Variants in ARB2A observed in about 807,000 individuals in gnomAD.
The protein encoded by ARB2A is ARB2 cotranscriptional regulator A, also known as cotranscriptional regulator ARB2A.
chr5:94,065,528 GAGAA>G, the ARB2A span, among the ~76,000 whole-genome samples: 9 of 152,084 alleles, frequency 5.9e-5, no homozygotes, highest in African/African-American at 2.2e-4. Flanking sequence ...AAAAGAAAAA[GAGAA>G]AGACATTCCA....
chr5:93,662,555 A>G, the ARB2A span, among the ~76,000 whole-genome samples: 4 of 152,236 alleles, frequency 2.6e-5, no homozygotes, highest in Non-Finnish European at 5.9e-5. Flanking sequence ...ACACATATAC[A>G]TAAAATATAT....
the ARB2A span, chr5:93,740,343 C>A: frequency 1.9e-6 from 1 of 514,840 alleles, no homozygotes; most frequent in Middle Eastern, 5.1e-4. Context: ...TACCTTTAAA[C>A]CAATGCTAGG....
chr5:93,846,418 C>T, the ARB2A span, among the ~76,000 whole-genome samples: 1 of 151,846 alleles, frequency 6.6e-6, no homozygotes, highest in Non-Finnish European at 1.5e-5. Context: ...GGGAGAATTG[C>T]TTGAGCCCAG....
the ARB2A span, among the ~76,000 whole-genome samples, chr5:93,693,569 A>G: frequency 1.3e-4 from 6 of 47,026 alleles, no homozygotes; most frequent in Non-Finnish European, 2.5e-4. Flanking sequence ...TTAATAGCCT[A>G]CCAACCAAAA....
At chr5:93,949,309 T>C in the ARB2A span, among the ~76,000 whole-genome samples, 4 of 151,990 alleles carry the variant, frequency 2.6e-5, 1 homozygote, top group South Asian at 6.2e-4. Flanking sequence ...ATGCCTGTAA[T>C]CCCAGCACTT....
At chr5:94,039,801 T>C in the ARB2A span, among the ~76,000 whole-genome samples, 1 of 152,226 alleles carries the variant, frequency 6.6e-6, no homozygotes, top group East Asian at 1.9e-4. Flanking sequence ...AAAGGCTAAC[T>C]TTGGGTAAGT....
the ARB2A span, chr5:93,683,359 CT>C: frequency 1.9e-6 from 3 of 1,603,298 alleles, no homozygotes; most frequent in African/African-American, 2.7e-5. Flanking sequence ...CTGCATCTTC[CT>C]CCACAGCTAC....
the ARB2A span, among the ~76,000 whole-genome samples, chr5:94,059,349 G>C: frequency 5.3e-5 from 8 of 151,954 alleles, no homozygotes; most frequent in Non-Finnish European, 8.8e-5. Flanking sequence ...AGGGCCAGGC[G>C]TGGTTGCTCA....
the ARB2A span, among the ~76,000 whole-genome samples, chr5:93,756,829 C>CA: frequency 1.3e-5 from 2 of 151,974 alleles, no homozygotes; most frequent in South Asian, 2.1e-4. Context: ...AACACCCCCC[C>CA]AAAAAATCAC....
chr5:93,655,980 C>A, the ARB2A span, among the ~76,000 whole-genome samples: 2 of 152,118 alleles, frequency 1.3e-5, no homozygotes, highest in African/African-American at 4.8e-5. Flanking sequence ...TGTTTATTGT[C>A]CCTCTCCTCT....
chr5:93,853,735 G>C, the ARB2A span, among the ~76,000 whole-genome samples: 1 of 152,208 alleles, frequency 6.6e-6, no homozygotes, highest in African/African-American at 2.4e-5. Flanking sequence ...TTTGTCTTTG[G>C]CTCTGTTTAT....
chr5:93,929,033 A>C, the ARB2A span, among the ~76,000 whole-genome samples: 1 of 151,920 alleles, frequency 6.6e-6, no homozygotes, highest in Admixed American at 6.6e-5. Flanking sequence ...TCTTCAAATT[A>C]AAAAAAACAA....
chr5:93,714,846 T>C, the ARB2A span, among the ~76,000 whole-genome samples: 2 of 152,214 alleles, frequency 1.3e-5, no homozygotes, highest in African/African-American at 4.8e-5. Flanking sequence ...GATAAGTACA[T>C]TATTCAATCT....
At chr5:93,931,393 G>A in the ARB2A span, among the ~76,000 whole-genome samples, 1 of 152,298 alleles carries the variant, frequency 6.6e-6, no homozygotes, top group Middle Eastern at 3.4e-3. Flanking sequence ...GAACCCAGGA[G>A]GCGGAGATTG....
chr5:93,626,405 A>G, the ARB2A span, among the ~76,000 whole-genome samples: 6 of 152,204 alleles, frequency 3.9e-5, no homozygotes, highest in Admixed American at 6.5e-5. Flanking sequence ...AATTTAAAAG[A>G]ATTTCTTCAT....
chr5:93,880,032 C>G, the ARB2A span, among the ~76,000 whole-genome samples: 3 of 151,616 alleles, frequency 2.0e-5, no homozygotes, highest in African/African-American at 7.3e-5. Flanking sequence ...ATCATGACCC[C>G]GATGTAATCA....
At chr5:93,741,508 C>A in the ARB2A span, 3 of 1,610,494 alleles carry the variant, frequency 1.9e-6, no homozygotes, top group Non-Finnish European at 2.5e-6. Context: ...TCTGGGGCCG[C>A]CCCCACCACT....
the ARB2A span, chr5:93,741,708 C>A: frequency 1.1e-6 from 1 of 942,362 alleles, no homozygotes; most frequent in Non-Finnish European, 1.5e-6. Flanking sequence ...GCGGGGAAAT[C>A]TGGTAGATCC....
At chr5:93,984,473 T>C in the ARB2A span, among the ~76,000 whole-genome samples, 1 of 152,206 alleles carries the variant, frequency 6.6e-6, no homozygotes, top group Non-Finnish European at 1.5e-5. Flanking sequence ...TTTTCACCCA[T>C]TGTTGTTTGT....
Sources: allele counts gnomAD v4.1 joint callset (sites outside exome capture counted in the v4.1 genomes callset), GRCh38; gene constraint gnomAD v4.1.1; transcripts MANE v1.5; gene names NCBI Gene and HGNC (gene_info 2026-07-23, HGNC 2026-07-21).